The following SCHIP1 variants were observed in gnomAD, a reference collection of about 807,000 sequenced individuals.
SCHIP1 encodes schwannomin-interacting protein 1.
In SCHIP1, 8 loss-of-function variants were observed where a neutral mutation model predicts 29.7. The ratio of observed to expected loss-of-function variants is 0.27; its 90% CI spans 0.16 to 0.49. The LOEUF (loss-of-function observed/expected upper bound fraction) is 0.49. Among genes scored for constraint, SCHIP1 ranks in the 20% least tolerant of loss-of-function variants. SCHIP1 has a pLI of 0.99. For missense variants in SCHIP1, 193 were observed against 294.6 expected (o/e 0.66, Z 2.52); for synonymous variants, 76 against 94.9 (o/e 0.80, Z 1.16).
chr3:159,337,299 C>G, the SCHIP1 span, among the ~76,000 whole-genome samples: 3 of 152,070 alleles, frequency 2.0e-5, no homozygotes, highest in African/African-American at 7.2e-5. Flanking sequence ...GACAGGGATG[C>G]CCTCTCTCAC....
chr3:159,465,016 A>G, the SCHIP1 span, among the ~76,000 whole-genome samples: 2 of 152,252 alleles, frequency 1.3e-5, no homozygotes, highest in East Asian at 1.9e-4. Context: ...TCCTTCCTGC[A>G]TGAAAGCAGT....
intron 1 of SCHIP1, among the ~76,000 whole-genome samples, chr3:159,863,691 T>C (rs1014895039): frequency 6.6e-6 from 1 of 152,212 alleles, no homozygotes; most frequent in Non-Finnish European, 1.5e-5. Context: ...TTTATATTCT[T>C]TAAGCTTTTC....
the SCHIP1 span, among the ~76,000 whole-genome samples, chr3:159,466,456 T>C: frequency 8.5e-3 from 1,296 of 152,238 alleles, 24 homozygotes; most frequent in Admixed American, 0.047. Context: ...ATTGATTTCA[T>C]AGGGTAACAG....
At chr3:159,619,136 A>G in the SCHIP1 span, among the ~76,000 whole-genome samples, 1 of 152,258 alleles carries the variant, frequency 6.6e-6, no homozygotes, top group Non-Finnish European at 1.5e-5. Flanking sequence ...ACAAAAAAAT[A>G]AAGTTTCCAT....
chr3:159,496,698 G>C, the SCHIP1 span, among the ~76,000 whole-genome samples: 2 of 152,136 alleles, frequency 1.3e-5, no homozygotes, highest in African/African-American at 4.8e-5. Flanking sequence ...TCAGTGTGGC[G>C]ATTTCTCAGG....
chr3:159,869,632 G>C (rs1307765206), intron 2 of SCHIP1, among the ~76,000 whole-genome samples: 1 of 151,850 alleles, frequency 6.6e-6, no homozygotes. Context: ...CCTGATATCT[G>C]GACAGGAAAG....
the SCHIP1 span, among the ~76,000 whole-genome samples, chr3:159,827,737 G>GGAGCTTGCAGTGAGCC: frequency 6.6e-6 from 1 of 151,770 alleles, no homozygotes; most frequent in Non-Finnish European, 1.5e-5. Flanking sequence ...CCCGGGAAGC[G>GGAGCTTGCAGTGAGCC]GAGCTTGCAG....
At chr3:159,546,219 TTG>T in the SCHIP1 span, among the ~76,000 whole-genome samples, 1 of 152,110 alleles carries the variant, frequency 6.6e-6, no homozygotes, top group Non-Finnish European at 1.5e-5. Context: ...TTTATTTTTA[TTG>T]TCTCATTCTA....
chr3:159,631,631 A>G, the SCHIP1 span, among the ~76,000 whole-genome samples: 4 of 152,214 alleles, frequency 2.6e-5, no homozygotes, highest in African/African-American at 9.6e-5. Context: ...GCAAATCGAC[A>G]GAGACAGAAA....
the SCHIP1 span, among the ~76,000 whole-genome samples, chr3:159,399,731 C>A: frequency 6.6e-6 from 1 of 152,142 alleles, no homozygotes; most frequent in East Asian, 1.9e-4. Flanking sequence ...GGCTGGAGTG[C>A]AGTGGCACAG....
chr3:159,482,456 C>T, the SCHIP1 span, among the ~76,000 whole-genome samples: 61 of 152,236 alleles, frequency 4.0e-4, no homozygotes, highest in African/African-American at 7.7e-4. Context: ...AGATGTAACA[C>T]GATTCCAGAG....
chr3:159,387,303 C>T, the SCHIP1 span: 1 of 289,998 alleles, frequency 3.4e-6, no homozygotes, highest in South Asian at 3.3e-5. Flanking sequence ...TGAGGGATGC[C>T]CCCAGGAAAA....
At chr3:159,376,440 C>G in the SCHIP1 span, among the ~76,000 whole-genome samples, 42 of 152,244 alleles carry the variant, frequency 2.8e-4, no homozygotes, top group African/African-American at 8.2e-4. Context: ...CTGCCTCCCC[C>G]CAAAAACTTC....
the SCHIP1 span, among the ~76,000 whole-genome samples, chr3:159,796,858 G>T: frequency 1.3e-5 from 2 of 152,190 alleles, no homozygotes; most frequent in African/African-American, 4.8e-5. Context: ...GAAGGGAAAT[G>T]ACTGAAATTT....
the SCHIP1 span, among the ~76,000 whole-genome samples, chr3:159,423,783 T>C: frequency 1.3e-5 from 2 of 152,044 alleles, no homozygotes; most frequent in South Asian, 2.1e-4. Context: ...CCCTGACCCC[T>C]GAGCAGCCTA....
the SCHIP1 span, among the ~76,000 whole-genome samples, chr3:159,298,858 C>G: frequency 1.3e-5 from 2 of 152,218 alleles, no homozygotes; most frequent in Admixed American, 1.3e-4. Context: ...CACATCTTTT[C>G]TGGATTAAGC....
At chr3:159,278,199 G>C in the SCHIP1 span, among the ~76,000 whole-genome samples, 1 of 152,098 alleles carries the variant, frequency 6.6e-6, no homozygotes, top group South Asian at 2.1e-4. Flanking sequence ...ACATACTCTT[G>C]TGATTACAAG....
the SCHIP1 span, among the ~76,000 whole-genome samples, chr3:159,739,552 A>AT: frequency 3.3e-4 from 50 of 152,202 alleles, no homozygotes; most frequent in African/African-American, 1.1e-3. Flanking sequence ...TCCTTGAGAG[A>AT]TTTTTTTCAG....
chr3:159,378,249 A>C, the SCHIP1 span, among the ~76,000 whole-genome samples: 1 of 152,196 alleles, frequency 6.6e-6, no homozygotes, highest in Non-Finnish European at 1.5e-5. Context: ...TCAGTAATTC[A>C]TTCTGTAGAG....
Sources: gnomAD v4.1 joint callset for allele counts (sites outside exome capture counted in the v4.1 genomes callset) on GRCh38, gnomAD v4.1.1 for gene constraint, MANE v1.5 for transcripts, NCBI Gene and HGNC (gene_info 2026-07-23, HGNC 2026-07-21) for gene names.